The following TTLL5 variants were observed in gnomAD, a reference collection of about 807,000 sequenced individuals.
The protein encoded by TTLL5 is tubulin polyglutamylase TTLL5.
Under a neutral mutation model 168.4 loss-of-function variants are expected in TTLL5, and 132 were observed. That is an observed-to-expected ratio of 0.78 (90% CI 0.68 to 0.91). TTLL5 has a LOEUF of 0.91. TTLL5 is among the 40% of genes least tolerant of loss of function. The pLI is 0.00. For synonymous variants in TTLL5, 546 were observed against 558.6 expected (o/e 0.98, Z 0.32); for missense variants, 1,545 against 1,581.5 (o/e 0.98, Z 0.39).
intron 31 of TTLL5, chr14:75,906,729 T>C (rs930148698): frequency 4.1e-6 from 4 of 984,294 alleles, no homozygotes; most frequent in Non-Finnish European, 4.8e-6. Context: ...GCTGACTTTA[T>C]ACTACAGCAA....
intron 5 of TTLL5, chr14:75,684,511 C>T (rs1884881614): frequency 6.6e-6 from 1 of 152,154 alleles, no homozygotes; most frequent in Non-Finnish European, 1.5e-5. Context: ...GATCATTAAA[C>T]ATAATTTTGA....
intron 29 of TTLL5, among the ~76,000 whole-genome samples, chr14:75,877,398 A>G (rs1236831867): frequency 6.6e-6 from 1 of 152,216 alleles, no homozygotes; most frequent in African/African-American, 2.4e-5. Flanking sequence ...TGTCTATCAG[A>G]AATTTTTCCT....
rs1184118066 is a variant in TTLL5 at position 75,835,859 on chromosome 14, CAGTTAAAAT to C, written c.3326+15699_3326+15707del. On this transcript the variant is annotated intron_variant, in intron 28 of 31. Transcript: ENST00000298832. ...ACTTCAGTGAGATACCATCTCACCCCAGTTAAAATGGCTTATATCCAAAAGACAAGTAAT... is the reference window on the plus strand; with the variant it reads ...ACTTCAGTGAGATACCATCTCACCCCGGCTTATATCCAAAAGACAAGTAAT... Among the ~76,000 whole-genome samples, 3 of 152,122 alleles carry C rather than the reference CAGTTAAAAT, an allele frequency of 2.0e-5. No individual in the cohort carries two copies. In the East Asian group the frequency reaches 5.8e-4, roughly 29 times the overall value.
At chr14:75,895,554 T>TA (rs2032614951) in intron 30 of TTLL5, among the ~76,000 whole-genome samples, 2 of 152,042 alleles carry the variant, frequency 1.3e-5, no homozygotes, top group African/African-American at 2.4e-5. Flanking sequence ...TTGGAAATTT[T>TA]AAAAAAATAG....
chr14:75,685,375 C>T (rs1364333858), intron 5 of TTLL5, among the ~76,000 whole-genome samples: 1 of 68,636 alleles, frequency 1.5e-5, no homozygotes, highest in Non-Finnish European at 3.2e-5. Context: ...GACTCTGTCT[C>T]AAAAAAAAAA....
Position 75,873,265 on chromosome 14 carries a change from G to A in TTLL5, c.3522+9403G>A, listed in dbSNP as rs10139133. Reference sequence around the variant, plus strand: ...ATTTTTTTGTATTTTTAATAGAGACGGGGTTTCACCGTGTTAGCCAGGATG... The same window carrying A: ...ATTTTTTTGTATTTTTAATAGAGACAGGGTTTCACCGTGTTAGCCAGGATG... On this transcript the variant is annotated intron_variant, in intron 29 of 31. Coordinates refer to ENST00000298832, the MANE Select transcript of TTLL5 (RefSeq NM_015072.5). Among the ~76,000 whole-genome samples, 977 of 152,048 alleles carry A rather than the reference G, an allele frequency of 6.4e-3. 10 individuals are homozygous for A. The highest frequency in any genetic ancestry group is 0.023 in the African/African-American group (945 of 41,476).
At chr14:75,681,344 A>T (rs1214435035) in intron 3 of TTLL5, among the ~76,000 whole-genome samples, 1 of 152,128 alleles carries the variant, frequency 6.6e-6, no homozygotes, top group Non-Finnish European at 1.5e-5. Context: ...CCAAGGTGTA[A>T]TTTTTCCCCC....
At chr14:75,726,916 A>G (rs1473694029) in intron 12 of TTLL5, among the ~76,000 whole-genome samples, 1 of 152,232 alleles carries the variant, frequency 6.6e-6, no homozygotes, top group Non-Finnish European at 1.5e-5. Flanking sequence ...TGACAGAATT[A>G]CAATAAAGGG....
rs552648879 is a variant in TTLL5 at position 75,927,474 on chromosome 14, A to G, written c.3823+25250A>G. ...ATAAATCTGAAAGAATCAATAGTTA[A>G]TATTTAGAAAGTAAGAGGAAAAAAA... On this transcript the variant is annotated intron_variant, in intron 31 of 31. Transcript: ENST00000298832. Among the ~76,000 whole-genome samples the G allele has an allele frequency of 5.9e-5, 9 of 152,348 alleles. No individual in the cohort carries two copies. In the East Asian group the frequency reaches 1.7e-3, roughly 29 times the overall value.
intron 5 of TTLL5, among the ~76,000 whole-genome samples, chr14:75,687,150 CAT>C (rs1169411440): frequency 2.0e-5 from 3 of 152,102 alleles, no homozygotes; most frequent in Non-Finnish European, 4.4e-5. Flanking sequence ...AAAAATAAAA[CAT>C]AAACTGTAAA....
At position 75,681,529 on chromosome 14, in the gene TTLL5, TTC is replaced by T; in HGVS notation, c.182-14_182-13del. 10 of 1,610,394 alleles carry T rather than the reference TTC, an allele frequency of 6.2e-6. No homozygotes were observed. The highest frequency in any genetic ancestry group is 8.5e-6 in the Non-Finnish European group (10 of 1,178,116). On this transcript the variant is annotated splice_polypyrimidine_tract_variant and intron_variant, in intron 3 of 31. Coordinates refer to ENST00000298832, the MANE Select transcript of TTLL5 (RefSeq NM_015072.5). ...TTAACTTTCTAGTTACTGAACTTGATTCTGTTTTTCTTTAGAACGTTATCATT... is the reference window on the plus strand; with the variant it reads ...TTAACTTTCTAGTTACTGAACTTGATTGTTTTTCTTTAGAACGTTATCATT...
intron 9 of TTLL5, chr14:75,711,263 T>A (rs1354255511): frequency 2.6e-5 from 4 of 152,080 alleles, no homozygotes. Context: ...CCCTCAGAGG[T>A]CCCCTGTGCT....
intron 21 of TTLL5, among the ~76,000 whole-genome samples, chr14:75,773,953 G>GAGAGAGAGAA (rs1566598121): frequency 5.3e-5 from 2 of 37,632 alleles, no homozygotes; most frequent in African/African-American, 7.6e-5. Context: ...GAGAGAGAGA[G>GAGAGAGAGAA]AGAAAGAGAG....
intron 15 of TTLL5, among the ~76,000 whole-genome samples, chr14:75,737,029 T>C (rs1368332284): frequency 6.6e-6 from 1 of 152,242 alleles, no homozygotes; most frequent in East Asian, 1.9e-4. Context: ...TGAACATTTC[T>C]GTGCAGCTTT....
chr14:75,861,789 A>G (rs1339152911), intron 28 of TTLL5, among the ~76,000 whole-genome samples: 1 of 152,184 alleles, frequency 6.6e-6, no homozygotes, highest in Non-Finnish European at 1.5e-5. Flanking sequence ...TGTTAAGGAG[A>G]TGGAAGGACT....
At chr14:75,722,263 T>G (rs1887887903) in intron 12 of TTLL5, among the ~76,000 whole-genome samples, 1 of 152,104 alleles carries the variant, frequency 6.6e-6, no homozygotes. Flanking sequence ...CTTTTTTTTT[T>G]GAGACAAGGT....
chr14:75,719,910 G>T, intron 11 of TTLL5, 84 bp downstream of exon 11: 1 of 1,402,712 alleles, frequency 7.1e-7, no homozygotes, highest in Admixed American at 1.7e-5. Context: ...ATTCTCTGTT[G>T]CTTTGATAGT....
At position 75,914,031 on chromosome 14, in the gene TTLL5, A is replaced by ATATATATATATATATATATATAT. The variant is rs1375194323; in HGVS notation, c.3823+11807_3823+11808insTATATATATATATATATATATAT. Among the ~76,000 whole-genome samples the ATATATATATATATATATATATAT allele has an allele frequency of 3.9e-5, 3 of 77,288 alleles. No individual in the cohort carries two copies. The African/African-American group carries it at 5.1e-4, about 13-fold the overall frequency. The allele number at this position is 77,288 out of a possible 152,430, so 50.7% of individuals were successfully genotyped here. A position where few individuals can be genotyped will look rare whatever the true frequency, so the allele number is the denominator to read the frequency against. On this transcript the variant is annotated intron_variant, in intron 31 of 31. Transcript: ENST00000298832. ...CTGTTTAAAAGGAAAAAAAAAAAAA[A>ATATATATATATATATATATATAT]AAATATATATATATATATATATATT... is the stretch of plus-strand genomic sequence containing the variant.
At chr14:75,917,919 T>A (rs2033677773) in intron 31 of TTLL5, among the ~76,000 whole-genome samples, 1 of 152,108 alleles carries the variant, frequency 6.6e-6, no homozygotes, top group Non-Finnish European at 1.5e-5. Context: ...AGTAAGGGAT[T>A]TATTTTTCTC....
Sources: allele counts gnomAD v4.1 joint callset (sites outside exome capture counted in the v4.1 genomes callset), GRCh38; gene constraint gnomAD v4.1.1; transcripts MANE v1.5; gene names NCBI Gene and HGNC (gene_info 2026-07-23, HGNC 2026-07-21).